Variants in APLP2 observed in about 807,000 individuals in gnomAD.
APLP2 encodes the protein CDEI box-binding protein.
A neutral mutation model predicts 89.9 loss-of-function variants in APLP2; 53 were observed. That is an observed-to-expected ratio of 0.59 (90% CI 0.47 to 0.74). The LOEUF is 0.74. APLP2 is among the 30% of genes least tolerant of loss of function. The pLI is 0.00. For synonymous variants in APLP2, 372 were observed against 348.6 expected (o/e 1.07, Z -0.75); for missense variants, 973 against 975.9 (o/e 1.00, Z 0.04).
In APLP2 at chr11:130,144,776, T is replaced by A. The variant is rs907621481; in HGVS notation, c.*1328T>A. On this transcript the variant is annotated 3_prime_UTR_variant, in exon 17 of 17. Coordinates refer to ENST00000338167, the MANE Select transcript of APLP2 (RefSeq NM_001142276.2). ...TGATCTGTGGAGAATGTACACAGTT[T>A]AAACACATCAATAAATACTTTAACT... 8.5e-5 allele frequency: 13 copies of A among 152,578 alleles called. No individual in the cohort carries two copies. Among genetic ancestry groups the A allele is most frequent in the African/African-American group, 2.9e-4 (12 of 41,504 alleles). The allele number at this position is 152,578 out of a possible 1,614,324, so 9.5% of individuals were successfully genotyped here. A position where few individuals can be genotyped will look rare whatever the true frequency, so the allele number is the denominator to read the frequency against.
At chr11:130,078,672 T>G (rs1437085575) in intron 1 of APLP2, among the ~76,000 whole-genome samples, 1 of 151,986 alleles carries the variant, frequency 6.6e-6, no homozygotes, top group Admixed American at 6.6e-5. Flanking sequence ...TTCATTTCTG[T>G]TTTTTTCCTT....
chr11:130,098,851 C>G (rs1946548932), intron 1 of APLP2, among the ~76,000 whole-genome samples: 1 of 152,058 alleles, frequency 6.6e-6, no homozygotes, highest in African/African-American at 2.4e-5. Context: ...ACAGAAAACC[C>G]TTCATCATTT....
chr11:130,078,001 T>C (rs1034183463), intron 1 of APLP2, among the ~76,000 whole-genome samples: 1 of 152,224 alleles, frequency 6.6e-6, no homozygotes, highest in Non-Finnish European at 1.5e-5. Context: ...GAAACACTTG[T>C]GTAACTACCA....
intron 7 of APLP2, among the ~76,000 whole-genome samples, chr11:130,125,751 G>A (rs1384502363): frequency 6.6e-6 from 1 of 152,202 alleles, no homozygotes; most frequent in Non-Finnish European, 1.5e-5. Flanking sequence ...CTCTGAAATT[G>A]TGTCATAATC....
At position 130,140,432 on chromosome 11, in the gene APLP2, C is replaced by A; in HGVS notation, c.1872C>A (p.Ile624=). The change falls in exon 14 of 17, where the codon ATC becomes ATA. Residue 624 remains isoleucine (I), a synonymous_variant. Transcript: ENST00000338167. ...TGGGAGAGCAGGATGGGGGACTGAT[C>A]GGTGCCGAAGAGAAAGTGATTAACA... ...SGVGEQDGGL[I]GAEEKVINSK... 3 of 1,610,994 alleles carry A rather than the reference C, an allele frequency of 1.9e-6. No homozygotes were observed. Among genetic ancestry groups the A allele is most frequent in the Middle Eastern group, 1.7e-4 (1 of 6,050 alleles).
chr11:130,083,718 C>G (rs971324730), intron 1 of APLP2, among the ~76,000 whole-genome samples: 3 of 152,016 alleles, frequency 2.0e-5, no homozygotes, highest in Admixed American at 6.6e-5. Context: ...TTTTCCTTAT[C>G]CATTCATCTC....
At chr11:130,132,520 G>GC (rs1351671109) in intron 11 of APLP2, among the ~76,000 whole-genome samples, 3 of 151,902 alleles carry the variant, frequency 2.0e-5, no homozygotes, top group African/African-American at 7.3e-5. Flanking sequence ...AACACACCTC[G>GC]CCGTGTCATT....
chr11:130,098,701 A>G (rs1259573607), intron 1 of APLP2, among the ~76,000 whole-genome samples: 1 of 152,220 alleles, frequency 6.6e-6, no homozygotes, highest in Non-Finnish European at 1.5e-5. Context: ...AGTACATGAA[A>G]TACTCAAACT....
chr11:130,127,653 G>A, intron 8 of APLP2, 113 bp from the exon 9 acceptor site: 1 of 869,538 alleles, frequency 1.2e-6, no homozygotes, highest in Non-Finnish European at 1.9e-6. Context: ...TGTGTGATTG[G>A]TTTCCTTTTG....
chr11:130,128,623 C>G (rs187811273), intron 9 of APLP2, among the ~76,000 whole-genome samples: 28 of 152,318 alleles, frequency 1.8e-4, no homozygotes, highest in African/African-American at 3.1e-4. Flanking sequence ...TACTTTTGCA[C>G]TAACCTAATG....
In APLP2 at chr11:130,070,042, G is replaced by A. The variant is rs746289347; in HGVS notation, c.65G>A (p.Gly22Glu). The A allele has an allele frequency of 4.6e-6, 7 of 1,509,414 alleles. No individual in the cohort carries two copies. Among genetic ancestry groups the A allele is most frequent in the Non-Finnish European group, 6.2e-6 (7 of 1,137,108 alleles). The allele number at this position is 1,509,414 out of a possible 1,614,324, so 93.5% of individuals were successfully genotyped here. A position where few individuals can be genotyped will look rare whatever the true frequency, so the allele number is the denominator to read the frequency against. ...AGGCTCCTGCTTCTGCTGCTGGTGG[G>A]GCTCACGGCGCCTGCCTTGGCGCTG... is the stretch of plus-strand genomic sequence containing the variant. ...TGRLLLLLLV[G>E]LTAPALALAG... The change falls in exon 1 of 17, where the codon GGG becomes GAG. Residue 22 changes from glycine to glutamate, a missense_variant. Gly to Glu is a moderately conservative substitution (Grantham distance 98, BLOSUM62 -2). Transcript: ENST00000338167.
chr11:130,143,713 T>C lies in APLP2; in HGVS notation c.*265T>C. 1 of 355,136 alleles carries C rather than the reference T, an allele frequency of 2.8e-6. No homozygotes were observed. Among genetic ancestry groups the C allele is most frequent in the Non-Finnish European group, 5.2e-6 (1 of 190,902 alleles). The allele number at this position is 355,136 out of a possible 1,614,324, so 22.0% of individuals were successfully genotyped here. A position where few individuals can be genotyped will look rare whatever the true frequency, so the allele number is the denominator to read the frequency against. The stretch of plus-strand genomic sequence containing the variant: ...TTGCAGATATTTGATGTAGTTTTCT[T>C]TTTTAAATTAATCAGAAACCCCACT... On this transcript the variant is annotated 3_prime_UTR_variant, in exon 17 of 17. Coordinates refer to ENST00000338167, the MANE Select transcript of APLP2 (RefSeq NM_001142276.2).
At chr11:130,125,516 A>T (rs1476832876) in intron 7 of APLP2, among the ~76,000 whole-genome samples, 6 of 152,204 alleles carry the variant, frequency 3.9e-5, no homozygotes, top group Admixed American at 6.5e-5. Context: ...AAACTTATGT[A>T]GGGCTCATAT....
chr11:130,070,168 G>A, intron 1 of APLP2, 86 bp downstream of exon 1: 1 of 938,056 alleles, frequency 1.1e-6, no homozygotes, highest in South Asian at 3.9e-5. Context: ...GTCCGCGGCA[G>A]GGCGGGCCGG....
chr11:130,134,152 A>G lies in APLP2; in HGVS notation c.1684+424A>G, dbSNP rs552253540. ...ATTATGGCTGCTGCGTGCGTGTCAC[A>G]GAGTAAAATGGTCCACGAGCAGATG... On this transcript the variant is annotated intron_variant, in intron 12 of 16. Transcript: ENST00000338167. Among the ~76,000 whole-genome samples the G allele has an allele frequency of 5.9e-5, 9 of 152,316 alleles. No individual in the cohort carries two copies. In the East Asian group the frequency reaches 1.7e-3, roughly 29 times the overall value.
Position 130,143,828 on chromosome 11 carries a change from C to G in APLP2, c.*380C>G. The G allele has an allele frequency of 5.5e-6, 1 of 182,954 alleles. No individual in the cohort carries two copies. Among genetic ancestry groups the G allele is most frequent in the Non-Finnish European group, 1.2e-5 (1 of 85,990 alleles). 11.3% of individuals were successfully genotyped at this position (182,954 alleles called of 1,614,324 possible). On this transcript the variant is annotated 3_prime_UTR_variant, in exon 17 of 17. Transcript: ENST00000338167. ...TAGACTTATATGCAGGCTGTCGTTC[C>G]GGTTATGTTGTGTAAGTCAACTCTT...
intron 16 of APLP2, among the ~76,000 whole-genome samples, chr11:130,143,082 C>T (rs537326377): frequency 1.3e-5 from 2 of 152,190 alleles, no homozygotes; most frequent in South Asian, 2.1e-4. Context: ...CTTGTCACCA[C>T]GGTGCTAGGA....
At position 130,110,538 on chromosome 11, in the gene APLP2, A is replaced by T. The variant is rs770017443; in HGVS notation, c.280A>T (p.Met94Leu). The change falls in exon 3 of 17, where the codon ATG becomes TTG. Residue 94 changes from methionine (M) to leucine (L), a missense_variant and splice_region_variant. Physicochemically the swap from Met to Leu is conservative, Grantham distance 15 (BLOSUM62 2). Transcript: ENST00000338167. ...KEEVLQYCQE[M>L]YPELQITNVM... is the part of the protein sequence containing the mutation. ...GTGTGTGTGTTTGTTTTCTTAACAG[A>T]TGTATCCAGAGCTACAGATCACAAA... 1.9e-5 allele frequency: 30 copies of T among 1,613,420 alleles called. 1 individual carries two copies. Among genetic ancestry groups the T allele is most frequent in the Admixed American group, 1.5e-4 (9 of 59,786 alleles).
At chr11:130,109,333 T>G (rs1341619317) in intron 1 of APLP2, 96 bp from the exon 2 acceptor site, 3 of 1,105,656 alleles carry the variant, frequency 2.7e-6, no homozygotes, top group Non-Finnish European at 3.8e-6. Context: ...ATAATTAAGG[T>G]TTTTAAAAGA....
Sources: gnomAD v4.1 joint callset for allele counts (sites outside exome capture counted in the v4.1 genomes callset) on GRCh38, gnomAD v4.1.1 for gene constraint, MANE v1.5 for transcripts, NCBI Gene and HGNC (gene_info 2026-07-23, HGNC 2026-07-21) for gene names.